Variants in PRMT8 observed in about 807,000 individuals in gnomAD.
PRMT8 encodes the protein protein arginine methyltransferase 8, also known as protein arginine N-methyltransferase 8.
Under a neutral mutation model 47.1 loss-of-function variants are expected in PRMT8, and 7 were observed. The observed-to-expected ratio is 0.15, with a 90% CI of 0.08 to 0.28. PRMT8 has a LOEUF of 0.28. Among genes scored for constraint, PRMT8 ranks in the 10% least tolerant of loss-of-function variants. The probability of loss-of-function intolerance (pLI) is 1.00; values close to 1 mark genes in which losing one functional copy is unlikely to be tolerated. For missense variants in PRMT8, 237 were observed against 505.4 expected, an observed-to-expected ratio of 0.47 and a Z score of 5.09; for synonymous variants, 188 against 186.5, an observed-to-expected ratio of 1.01 and a Z score of -0.07.
At chr12:3,466,932 C>G (rs1865102285) in intron 1 of PRMT8, among the ~76,000 whole-genome samples, 1 of 152,106 alleles carries the variant, frequency 6.6e-6, no homozygotes, top group Non-Finnish European at 1.5e-5. Context: ...TTCAAATGGT[C>G]TCTTAAGAAA....
chr12:3,448,735 AT>A (rs1864885444), intron 1 of PRMT8, among the ~76,000 whole-genome samples: 1 of 151,902 alleles, frequency 6.6e-6, no homozygotes, highest in Non-Finnish European at 1.5e-5. Flanking sequence ...TAAAAATTTT[AT>A]TTTATTTTAT....
chr12:3,406,388 G>A (rs11835708), intron 1 of PRMT8, among the ~76,000 whole-genome samples: 35,547 of 152,224 alleles, frequency 0.23, 4,324 homozygotes, highest in Middle Eastern at 0.28. Context: ...TTGGCTCCTC[G>A]TTACTTATGC....
chr12:3,498,897 C>T (rs1444882698), intron 1 of PRMT8, among the ~76,000 whole-genome samples: 1 of 152,148 alleles, frequency 6.6e-6, no homozygotes, highest in African/African-American at 2.4e-5. Flanking sequence ...ATCCAGATGC[C>T]AGCAGGGTTG....
chr12:3,437,720 G>A (rs1864760116), intron 1 of PRMT8, among the ~76,000 whole-genome samples: 1 of 151,318 alleles, frequency 6.6e-6, no homozygotes, highest in Admixed American at 6.6e-5. Context: ...GGCAGACCTG[G>A]GCCTGAATCC....
chr12:3,498,962 C>A (rs928087762), intron 1 of PRMT8, among the ~76,000 whole-genome samples: 1 of 151,982 alleles, frequency 6.6e-6, no homozygotes, highest in African/African-American at 2.4e-5. Context: ...TCTGGTTTCC[C>A]GTGGTGGCCA....
chr12:3,492,206 C>T lies in PRMT8; in HGVS notation c.75+506C>T, dbSNP rs963502750. On this transcript the variant is annotated intron_variant, in intron 1 of 9. Coordinates refer to ENST00000382622, the MANE Select transcript of PRMT8 (RefSeq NM_019854.5). The surrounding 1 kb of genome is among the most constrained non-coding windows in gnomAD (Gnocchi z 7.5). ...TCGGTTCCCGAGCTCTCCGTCCCCG[C>T]AGCCGCGCGGAGAGCCCCCGGCCGC... is the stretch of plus-strand genomic sequence containing the variant. Among the ~76,000 whole-genome samples the T allele has an allele frequency of 2.0e-5, 3 of 152,080 alleles. No individual in the cohort carries two copies. Among genetic ancestry groups the T allele is most frequent in the Non-Finnish European group, 4.4e-5 (3 of 67,988 alleles).
chr12:3,477,365 T>C (rs1206430004), intron 1 of PRMT8, among the ~76,000 whole-genome samples: 1 of 152,222 alleles, frequency 6.6e-6, no homozygotes, highest in East Asian at 1.9e-4. Flanking sequence ...GCCTGTCCTT[T>C]GGAGCTTACA....
chr12:3,461,539 TG>T (rs1347992140), intron 1 of PRMT8, among the ~76,000 whole-genome samples: 2 of 152,218 alleles, frequency 1.3e-5, no homozygotes, highest in Non-Finnish European at 2.9e-5. Flanking sequence ...ACTTGCCACT[TG>T]TCTGCCCCAG....
chr12:3,410,598 T>A (rs1864418104), intron 1 of PRMT8, among the ~76,000 whole-genome samples: 1 of 152,234 alleles, frequency 6.6e-6, no homozygotes, highest in Non-Finnish European at 1.5e-5. Context: ...AACCTCCGTC[T>A]ACTGGATTCA....
chr12:3,539,610 C>T (rs1185314294), intron 1 of PRMT8, among the ~76,000 whole-genome samples: 1 of 152,226 alleles, frequency 6.6e-6, no homozygotes, highest in African/African-American at 2.4e-5. Flanking sequence ...ATAACTGCTT[C>T]TGTTGCAGTG....
At position 3,538,010 on chromosome 12, in the gene PRMT8, C is replaced by T. The variant is rs935518945; in HGVS notation, c.76-2596C>T. The stretch of plus-strand genomic sequence containing the variant: ...CCCCGTTGTCTTTTGTATTTAATTA[C>T]GACCTCTTAGCCTGGCCATAATTTC... On this transcript the variant is annotated intron_variant, in intron 1 of 9. Coordinates refer to ENST00000382622, the MANE Select transcript of PRMT8 (RefSeq NM_019854.5). This position sits in a 1 kb window ranked among gnomAD's most constrained non-coding sequence, Gnocchi z 4.6. 6.6e-5 allele frequency among the ~76,000 whole-genome samples: 10 copies of T among 152,154 alleles called. No individual in the cohort carries two copies. The highest frequency in any genetic ancestry group is 1.2e-4 in the African/African-American group (5 of 41,418).
chr12:3,549,865 G>A (rs1453781384), intron 2 of PRMT8, 71 bp from the exon 3 acceptor site: 1 of 1,567,738 alleles, frequency 6.4e-7, no homozygotes, highest in Non-Finnish European at 8.7e-7. Flanking sequence ...TGGTCCAGGG[G>A]CTCATAGCCA....
chr12:3,391,856 T>G (rs1051987809), intron 1 of PRMT8, among the ~76,000 whole-genome samples: 1 of 151,900 alleles, frequency 6.6e-6, no homozygotes, highest in South Asian at 2.1e-4. Context: ...TGAACTAGGG[T>G]GCAGATGGGG....
intron 1 of PRMT8, among the ~76,000 whole-genome samples, chr12:3,523,049 A>G (rs1254001325): frequency 6.6e-6 from 1 of 151,740 alleles, no homozygotes; most frequent in Non-Finnish European, 1.5e-5. Context: ...CAGAATTAAA[A>G]CCTCCACCCC....
intron 1 of PRMT8, among the ~76,000 whole-genome samples, chr12:3,464,128 G>A (rs1055458485): frequency 3.9e-5 from 6 of 152,146 alleles, no homozygotes; most frequent in Non-Finnish European, 5.9e-5. Flanking sequence ...TGAACGGCAC[G>A]TTATTTTTAT....
rs535690956 is a variant in PRMT8 at position 3,391,277 on chromosome 12, C to T, written c.48+9835C>T. Among the ~76,000 whole-genome samples the T allele has an allele frequency of 3.8e-4, 58 of 152,280 alleles. 2 individuals are homozygous for T. In the South Asian group the frequency reaches 9.3e-3, roughly 24 times the overall value. On this transcript the variant is annotated intron_variant, in intron 1 of 9. Coordinates refer to the PRMT8 transcript ENST00000452611. Reference sequence around the variant, plus strand: ...AACCATGAGCAATAAATAGGCAAAACGCACAGTGCATACAACAGAATACAT... The same window carrying T: ...AACCATGAGCAATAAATAGGCAAAATGCACAGTGCATACAACAGAATACAT...
At position 3,583,400 on chromosome 12, in the gene PRMT8, ATGT is replaced by A. The variant is rs1463974121; in HGVS notation, c.979+196_979+198del. Among the ~76,000 whole-genome samples the A allele has an allele frequency of 1.2e-4, 19 of 152,180 alleles. No homozygotes were observed. The highest frequency in any genetic ancestry group is 5.9e-5 in the Non-Finnish European group (4 of 68,026). On this transcript the variant is annotated intron_variant, in intron 8 of 9. Coordinates refer to ENST00000382622, the MANE Select transcript of PRMT8 (RefSeq NM_019854.5). The surrounding 1 kb of genome is among the most constrained non-coding windows in gnomAD (Gnocchi z 4.7). ...GTGCTGTCCAAGGAGAAGGTAAATA[ATGT>A]TGTGGTTGTTACAGCACAAGTTGAG... is the stretch of plus-strand genomic sequence containing the variant.
In PRMT8 at chr12:3,584,022, A is replaced by G. The variant is rs147807322; in HGVS notation, c.979+814A>G. Among the ~76,000 whole-genome samples the G allele has an allele frequency of 4.1e-3, 629 of 152,314 alleles. 3 individuals carry two copies. Among genetic ancestry groups the G allele is most frequent in the Non-Finnish European group, 6.9e-3 (467 of 68,022 alleles). ...GGAGGGGCCTTAGTCAGAGGCTCTC[A>G]TCATCCCCTCTTCTCCTGTATCAGT... is the stretch of plus-strand genomic sequence containing the variant. On this transcript the variant is annotated intron_variant, in intron 8 of 9. Coordinates refer to ENST00000382622, the MANE Select transcript of PRMT8 (RefSeq NM_019854.5).
chr12:3,422,539 G>A (rs1031859800), intron 1 of PRMT8, among the ~76,000 whole-genome samples: 3 of 152,204 alleles, frequency 2.0e-5, no homozygotes, highest in Non-Finnish European at 4.4e-5. Flanking sequence ...GGGGGTCCGC[G>A]TGAAAGGGTT....
Sources: gnomAD v4.1 joint callset for allele counts (sites outside exome capture counted in the v4.1 genomes callset) on GRCh38, gnomAD v4.1.1 for gene constraint, Gnocchi (gnomAD v3.1) non-coding constraint, MANE v1.5 for transcripts, NCBI Gene and HGNC (gene_info 2026-07-23, HGNC 2026-07-21) for gene names.